CNTNAP2: variants seen among roughly 807,000 people sequenced by gnomAD.
CNTNAP2 encodes contactin associated protein 2, also known as contactin-associated protein-like 2.
CNTNAP2 carries 98 observed loss-of-function variants against 155.2 expected under a neutral mutation model. The observed-to-expected ratio is 0.63, with a 90% CI of 0.54 to 0.75. CNTNAP2 has a LOEUF of 0.75. Among genes scored for constraint, CNTNAP2 ranks in the 30% least tolerant of loss-of-function variants. The pLI is 0.00. For synonymous variants in CNTNAP2, 651 were observed against 631.2 expected (o/e 1.03, Z -0.47); for missense variants, 1,727 against 1,688.1 (o/e 1.02, Z -0.40).
At chr7:146,598,285 C>A (rs555458983) in intron 1 of CNTNAP2, among the ~76,000 whole-genome samples, 52 of 152,106 alleles carry the variant, frequency 3.4e-4, no homozygotes, top group African/African-American at 1.2e-3. Context: ...TCACTTCCAT[C>A]GTCATAATAA....
chr7:147,727,334 G>C (rs1292570025), intron 13 of CNTNAP2, among the ~76,000 whole-genome samples: 1 of 151,906 alleles, frequency 6.6e-6, no homozygotes, highest in Non-Finnish European at 1.5e-5. Context: ...ACCTAGTTTA[G>C]GTACCAGGTA....
chr7:148,010,586 C>A (rs1327124785), intron 15 of CNTNAP2, among the ~76,000 whole-genome samples: 3 of 151,440 alleles, frequency 2.0e-5, no homozygotes, highest in Non-Finnish European at 4.4e-5. Context: ...CATATACAAC[C>A]AAATTTTCCA....
At chr7:147,997,974 A>G (rs1011063330) in intron 15 of CNTNAP2, among the ~76,000 whole-genome samples, 4 of 152,298 alleles carry the variant, frequency 2.6e-5, no homozygotes, top group Admixed American at 6.5e-5. Context: ...TACTCTCTAC[A>G]GGGGGAGTCC....
intron 11 of CNTNAP2, among the ~76,000 whole-genome samples, chr7:147,490,048 G>A (rs1053893960): frequency 1.3e-5 from 2 of 152,088 alleles, no homozygotes; most frequent in Non-Finnish European, 2.9e-5. Context: ...TTTAGTGTTC[G>A]ACAAAAATAA....
intron 1 of CNTNAP2, among the ~76,000 whole-genome samples, chr7:146,689,565 A>G (rs1478211795): frequency 6.6e-6 from 1 of 152,114 alleles, no homozygotes; most frequent in African/African-American, 2.4e-5. Flanking sequence ...CCTCATAATT[A>G]TATCTGTCAC....
chr7:146,384,466 A>G (rs997788635), intron 1 of CNTNAP2, among the ~76,000 whole-genome samples: 1 of 152,204 alleles, frequency 6.6e-6, no homozygotes, highest in Non-Finnish European at 1.5e-5. Flanking sequence ...ACTTATTAAT[A>G]GAATTGTATG....
intron 15 of CNTNAP2, among the ~76,000 whole-genome samples, chr7:148,016,363 C>T (rs1362930693): frequency 6.6e-6 from 1 of 152,188 alleles, no homozygotes; most frequent in Non-Finnish European, 1.5e-5. Flanking sequence ...ATATGGCCTT[C>T]CCACATGTGC....
At chr7:147,284,756 CA>C (rs904885428) in intron 8 of CNTNAP2, among the ~76,000 whole-genome samples, 4 of 151,692 alleles carry the variant, frequency 2.6e-5, no homozygotes, top group African/African-American at 9.7e-5. Context: ...GAAAAACTAC[CA>C]AAAGGGCAGT....
At chr7:146,903,223 G>A (rs1168564811) in intron 3 of CNTNAP2, among the ~76,000 whole-genome samples, 1 of 152,108 alleles carries the variant, frequency 6.6e-6, no homozygotes, top group African/African-American at 2.4e-5. Flanking sequence ...TGAGGGGTTG[G>A]ATAAAATCCT....
chr7:147,581,249 T>C (rs1160045139), intron 12 of CNTNAP2, among the ~76,000 whole-genome samples: 2 of 152,238 alleles, frequency 1.3e-5, no homozygotes, highest in Non-Finnish European at 2.9e-5. Context: ...TAAGATACTG[T>C]ATAAATTTAT....
At chr7:146,740,290 GT>G (rs545373636) in intron 1 of CNTNAP2, among the ~76,000 whole-genome samples, 5,876 of 128,570 alleles carry the variant, frequency 0.046, 330 homozygotes, top group African/African-American at 0.15. Flanking sequence ...CAGGATTTCT[GT>G]TTTTTTTTTT....
rs2710102 is a variant in CNTNAP2 at position 147,877,298 on chromosome 7, A to G, written c.2099-26267A>G. On this transcript the variant is annotated intron_variant, in intron 13 of 23. Coordinates refer to ENST00000361727, the MANE Select transcript of CNTNAP2 (RefSeq NM_014141.6). Reference sequence around the variant, plus strand: ...GCCTTTTTGTTTTTCCTTCTTTCTCAGGTCTCAGAGTAAATGTTAACCAAT... The same window carrying G: ...GCCTTTTTGTTTTTCCTTCTTTCTCGGGTCTCAGAGTAAATGTTAACCAAT... Among the ~76,000 whole-genome samples, 86,612 of 151,934 alleles carry G rather than the reference A, an allele frequency of 0.57. 25,284 individuals are homozygous for G. Among genetic ancestry groups the G allele is most frequent in the African/African-American group, 0.69 (28,760 of 41,462 alleles).
chr7:146,131,273 G>A (rs1797709554), intron 1 of CNTNAP2, among the ~76,000 whole-genome samples: 1 of 152,062 alleles, frequency 6.6e-6, no homozygotes, highest in African/African-American at 2.4e-5. Context: ...TATTTGGATT[G>A]TTAATACATT....
At chr7:146,252,163 A>G (rs1440144660) in intron 1 of CNTNAP2, among the ~76,000 whole-genome samples, 1 of 152,124 alleles carries the variant, frequency 6.6e-6, no homozygotes, top group Non-Finnish European at 1.5e-5. Context: ...AATCATACCA[A>G]TGTCATGGCT....
chr7:147,916,235 A>G (rs1335194760), intron 14 of CNTNAP2, among the ~76,000 whole-genome samples: 2 of 152,198 alleles, frequency 1.3e-5, no homozygotes, highest in Admixed American at 6.5e-5. Context: ...AGTTCCCCAA[A>G]GAAGCATAAA....
intron 18 of CNTNAP2, among the ~76,000 whole-genome samples, chr7:148,175,159 A>G (rs1794910565): frequency 6.6e-6 from 1 of 152,142 alleles, no homozygotes; most frequent in South Asian, 2.1e-4. Context: ...TCTATCATTG[A>G]TGGGCATTTG....
chr7:147,045,362 C>A (rs958386558), intron 4 of CNTNAP2, among the ~76,000 whole-genome samples: 11 of 152,110 alleles, frequency 7.2e-5, no homozygotes, highest in African/African-American at 2.2e-4. Flanking sequence ...CACCTCTGTA[C>A]ACATTTAGTA....
intron 9 of CNTNAP2, among the ~76,000 whole-genome samples, chr7:147,345,235 A>G (rs1423747255): frequency 6.6e-6 from 1 of 152,182 alleles, no homozygotes; most frequent in Non-Finnish European, 1.5e-5. Flanking sequence ...AAACCCACAC[A>G]ATTTTGTCAT....
intron 15 of CNTNAP2, among the ~76,000 whole-genome samples, chr7:148,035,526 A>T (rs1317182281): frequency 6.6e-6 from 1 of 152,188 alleles, no homozygotes; most frequent in East Asian, 1.9e-4. Flanking sequence ...GTATAAGGGT[A>T]ATCTTTGGTG....
Sources: allele counts gnomAD v4.1 joint callset (sites outside exome capture counted in the v4.1 genomes callset), GRCh38; gene constraint gnomAD v4.1.1; transcripts MANE v1.5; gene names NCBI Gene and HGNC (gene_info 2026-07-23, HGNC 2026-07-21).